The following ZBTB47 variants were observed in gnomAD, a reference collection of about 807,000 sequenced individuals.
ZBTB47 encodes zinc finger and BTB domain containing 47.
ZBTB47 carries 24 observed loss-of-function variants against 56.6 expected under a neutral mutation model. The observed-to-expected ratio is 0.42, with a 90% CI of 0.31 to 0.60. ZBTB47 has a LOEUF of 0.60. Among genes scored for constraint, ZBTB47 ranks in the 20% least tolerant of loss-of-function variants. The pLI is 0.14. For synonymous variants in ZBTB47, 414 were observed against 418.9 expected (o/e 0.99, Z 0.14); for missense variants, 829 against 1,032.6 (o/e 0.80, Z 2.70).
At position 42,662,127 on chromosome 3, in the gene ZBTB47, C is replaced by T. The variant is rs192679583; in HGVS notation, c.1621+495C>T. Reference sequence around the variant, plus strand: ...TGCCTGGACACAGTAAGGAGGTCCCCCAATTGTGTGTTTTGGCCACGCCAC... The same window carrying T: ...TGCCTGGACACAGTAAGGAGGTCCCTCAATTGTGTGTTTTGGCCACGCCAC... On this transcript the variant is annotated intron_variant, in intron 3 of 5. Transcript: ENST00000232974. Among the ~76,000 whole-genome samples the T allele has an allele frequency of 2.7e-3, 404 of 152,280 alleles. 2 individuals carry two copies. Among genetic ancestry groups the T allele is most frequent in the Non-Finnish European group, 3.7e-3 (249 of 68,016 alleles).
Position 42,663,000 on chromosome 3 carries a change from C to A in ZBTB47, c.1622-12C>A, listed in dbSNP as rs1245589391. ...CCCGTAAAACATGATGGCCCTGGTG[C>A]CCACCTCGTAGCCCACACCAAGGAC... On this transcript the variant is annotated splice_polypyrimidine_tract_variant and intron_variant, in intron 3 of 5. Coordinates refer to ENST00000232974, the MANE Select transcript of ZBTB47 (RefSeq NM_145166.4). The A allele has an allele frequency of 6.2e-7, 1 of 1,603,456 alleles. No homozygotes were observed. The highest frequency in any genetic ancestry group is 1.1e-5 in the South Asian group (1 of 90,872).
rs1167362942 is a variant in ZBTB47 at position 42,658,428 on chromosome 3, C to T, written c.73C>T (p.Arg25Cys). The T allele has an allele frequency of 7.8e-6, 12 of 1,537,056 alleles. No individual in the cohort carries two copies. The East Asian group carries it at 9.8e-5, about 13-fold the overall frequency. The change falls in exon 2 of 6, where the codon CGC (arginine) becomes TGC (cysteine). Residue 25 changes from arginine (R) to cysteine (C), a missense_variant. Around this residue, in one of 6 missense-constraint regions of ZBTB47, gnomAD observed 120 missense variants for 200.2 expected, o/e 0.60. Coordinates refer to ENST00000232974, the MANE Select transcript of ZBTB47 (RefSeq NM_145166.4). ...CGTGGACTTGGTGCTGGTGCCCCAG[C>T]GCAGCGTCTTTCCGGCACACAAGGG... ...CDVDLVLVPQ[R>C]SVFPAHKGVL...
At position 42,659,052 on chromosome 3, in the gene ZBTB47, C is replaced by A; in HGVS notation, c.697C>A (p.Gln233Lys). The A allele has an allele frequency of 2.6e-6, 4 of 1,525,046 alleles. No individual in the cohort carries two copies. The highest frequency in any genetic ancestry group is 3.5e-6 in the Non-Finnish European group (4 of 1,141,126). The allele number at this position is 1,525,046 out of a possible 1,614,324, so 94.5% of individuals were successfully genotyped here. A position where few individuals can be genotyped will look rare whatever the true frequency, so the allele number is the denominator to read the frequency against. Residue 233 changes from glutamine to lysine, a missense_variant, in exon 2 of 6, where the codon CAG becomes AAG. Transcript: ENST00000232974. ...SGTYSRREQSQIIVEVNLNNQ... is the reference protein window; with the variant it reads ...SGTYSRREQSKIIVEVNLNNQ... ...CACCTACAGCCGCAGGGAGCAATCC[C>A]AGATCATCGTGGAGGTGAACCTCAA...
At chr3:42,653,627 G>C (rs899565161), upstream of ZBTB47, 1 of 152,532 alleles carries the variant, frequency 6.6e-6, no homozygotes, top group Non-Finnish European at 1.5e-5. Context: ...TGCCCCCACG[G>C]GTGTCCATGC....
At chr3:42,655,798 G>A (rs574021027) in intron 1 of ZBTB47, among the ~76,000 whole-genome samples, 5 of 152,370 alleles carry the variant, frequency 3.3e-5, no homozygotes, top group African/African-American at 1.2e-4. Flanking sequence ...CAGGTCATGA[G>A]GTTTAGGGCC....
At position 42,667,485 on chromosome 3, in the gene ZBTB47, A is replaced by G. The variant is rs1382107356; in HGVS notation, c.*2887A>G. On this transcript the variant is annotated 3_prime_UTR_variant, in exon 6 of 6. Transcript: ENST00000232974. ...CAGGTGTGTGTTGAGACCATTGACA[A>G]CTGCTCGTGTACAGGCACCCCACAG... 6.6e-6 allele frequency among the ~76,000 whole-genome samples: 1 copy of G among 152,182 alleles called. No homozygotes were observed. Among genetic ancestry groups the G allele is most frequent in the Admixed American group, 6.5e-5 (1 of 15,286 alleles).
chr3:42,659,195 G>C lies in ZBTB47; in HGVS notation c.840G>C (p.Glu280Asp), dbSNP rs1710678584. Residue 280 changes from glutamate (E) to aspartate (D), a missense_variant, in exon 2 of 6, where the codon GAG (glutamate) becomes GAC (aspartate). Coordinates refer to ENST00000232974, the MANE Select transcript of ZBTB47 (RefSeq NM_145166.4). ...DGLQRHSDEE[E>D]EDDEEEEEEE... ...TGCAGAGACACTCGGACGAGGAGGA[G>C]GAGGACGACGAGGAGGAGGAGGAGG... is the stretch of plus-strand genomic sequence containing the variant. 3 of 1,525,500 alleles carry C rather than the reference G, an allele frequency of 2.0e-6. No homozygotes were observed. The highest frequency in any genetic ancestry group is 1.8e-6 in the Non-Finnish European group (2 of 1,140,868). 94.5% of individuals were successfully genotyped at this position (1,525,500 alleles called of 1,614,324 possible). A position where few individuals can be genotyped will look rare whatever the true frequency, so the allele number is the denominator to read the frequency against.
rs1469674411 is a variant in ZBTB47 at position 42,664,436 on chromosome 3, C to T, written c.2082C>T (p.Val694=). The change falls in exon 6 of 6, where the codon GTC becomes GTT. Residue 694 remains valine, a synonymous_variant. Coordinates refer to ENST00000232974, the MANE Select transcript of ZBTB47 (RefSeq NM_145166.4). ...GCCACACCCTGGCCGGCGACGGCGT[C>T]CCCGCTGCCCCAGGCCTGCCCCCAA... ...RVSHTLAGDG[V]PAAPGLPPTQ... 1.3e-6 allele frequency: 2 copies of T among 1,535,104 alleles called. No homozygotes were observed. The highest frequency in any genetic ancestry group is 2.4e-5 in the South Asian group (2 of 83,112).
At chr3:42,660,042 G>C (rs926861447) in intron 2 of ZBTB47, among the ~76,000 whole-genome samples, 2 of 152,242 alleles carry the variant, frequency 1.3e-5, no homozygotes, top group African/African-American at 4.8e-5. Context: ...GAGGTGGATA[G>C]AGTTGGGCGC....
chr3:42,662,188 G>A (rs543804797), intron 3 of ZBTB47, among the ~76,000 whole-genome samples: 1 of 152,286 alleles, frequency 6.6e-6, no homozygotes, highest in African/African-American at 2.4e-5. Context: ...CTGTATGTGG[G>A]CCTGGCAGAG....
Position 42,665,893 on chromosome 3 carries a change from G to A in ZBTB47, c.*1295G>A, listed in dbSNP as rs1379737276. On this transcript the variant is annotated 3_prime_UTR_variant, in exon 6 of 6. Transcript: ENST00000232974. ...TTCCTGCCTTTAATATGGGGAGGAA[G>A]GTTCCATAAGCTACATGTTTCCTAG... 1 of 152,422 alleles carries A rather than the reference G, an allele frequency of 6.6e-6. No homozygotes were observed. Among genetic ancestry groups the A allele is most frequent in the Non-Finnish European group, 1.5e-5 (1 of 68,044 alleles). 9.4% of individuals were successfully genotyped at this position (152,422 alleles called of 1,614,324 possible).
rs1043183698 is a variant in ZBTB47 at position 42,665,804 on chromosome 3, T to A, written c.*1206T>A. The A allele has an allele frequency of 6.6e-6, 1 of 152,632 alleles. No individual in the cohort carries two copies. Among genetic ancestry groups the A allele is most frequent in the Non-Finnish European group, 1.5e-5 (1 of 68,042 alleles). The allele number at this position is 152,632 out of a possible 1,614,324, so 9.5% of individuals were successfully genotyped here. On this transcript the variant is annotated 3_prime_UTR_variant, in exon 6 of 6. Coordinates refer to ENST00000232974, the MANE Select transcript of ZBTB47 (RefSeq NM_145166.4). ...CTGGGGAGGCGCAGCCTAGACCCAA[T>A]TGCTTGCCCCCATGAGGCTAGCACT...
chr3:42,662,926 C>T (rs1710738240), intron 3 of ZBTB47, 86 bp from the exon 4 acceptor site: 1 of 920,502 alleles, frequency 1.1e-6, no homozygotes, highest in Non-Finnish European at 1.8e-6. Flanking sequence ...TGGCACAGGG[C>T]TGCCCCAGGA....
Position 42,664,746 on chromosome 3 carries a change from C to T in ZBTB47, c.*148C>T, listed in dbSNP as rs1260682071. ...GCTGGATGTACCCTGCCTGAGGCCC[C>T]GACGAGGAGGGGTATGCAGGCTGGC... is the stretch of plus-strand genomic sequence containing the variant. On this transcript the variant is annotated 3_prime_UTR_variant, in exon 6 of 6. Coordinates refer to ENST00000232974, the MANE Select transcript of ZBTB47 (RefSeq NM_145166.4). 3 of 958,026 alleles carry T rather than the reference C, an allele frequency of 3.1e-6. No individual in the cohort carries two copies. Among genetic ancestry groups the T allele is most frequent in the Non-Finnish European group, 4.1e-6 (3 of 725,630 alleles). The allele number at this position is 958,026 out of a possible 1,614,324, so 59.3% of individuals were successfully genotyped here.
In ZBTB47 at chr3:42,663,945, C is replaced by G. The variant is rs918953486; in HGVS notation, c.1882+4C>G. On this transcript the variant is annotated splice_donor_region_variant and intron_variant, in intron 5 of 5. Transcript: ENST00000232974. The surrounding 1 kb of genome is among the most constrained non-coding windows in gnomAD (Gnocchi z 5.1). ...GAGCACATGAAGACCCACACAGGTG[C>G]GGCTGCCCCTGGGGACGGAGCTCGG... 1.9e-6 allele frequency: 3 copies of G among 1,608,074 alleles called. No individual in the cohort carries two copies. The Admixed American group carries it at 5.0e-5, about 27-fold the overall frequency.
chr3:42,659,390 TGAG>T lies in ZBTB47; in HGVS notation c.1046_1048del (p.Glu349del), dbSNP rs1198789035. On this transcript the variant is annotated inframe_deletion, in exon 2 of 6. Coordinates refer to ENST00000232974, the MANE Select transcript of ZBTB47 (RefSeq NM_145166.4). ...CTAGTGAGCAGGATCAAGAGAGCTC[TGAG>T]GAGGAGGAGGGGGAGGAGGGGGAGG... 76 of 966,106 alleles carry T rather than the reference TGAG, an allele frequency of 7.9e-5. No homozygotes were observed. The highest frequency in any genetic ancestry group is 9.6e-4 in the Middle Eastern group (2 of 2,092). 59.8% of individuals were successfully genotyped at this position (966,106 alleles called of 1,614,324 possible).
At position 42,663,944 on chromosome 3, in the gene ZBTB47, G is replaced by A; in HGVS notation, c.1882+3G>A. On this transcript the variant is annotated splice_donor_region_variant and intron_variant, in intron 5 of 5. Transcript: ENST00000232974. The surrounding 1 kb of genome is among the most constrained non-coding windows in gnomAD (Gnocchi z 5.1). ...TGAGCACATGAAGACCCACACAGGT[G>A]CGGCTGCCCCTGGGGACGGAGCTCG... 1 of 1,608,778 alleles carries A rather than the reference G, an allele frequency of 6.2e-7. No homozygotes were observed. Among genetic ancestry groups the A allele is most frequent in the Non-Finnish European group, 8.5e-7 (1 of 1,176,752 alleles).
In ZBTB47 at chr3:42,658,856, TGAG is replaced by T; in HGVS notation, c.504_506del (p.Glu168del). The T allele has an allele frequency of 1.3e-6, 2 of 1,530,458 alleles. No homozygotes were observed. Among genetic ancestry groups the T allele is most frequent in the Non-Finnish European group, 1.7e-6 (2 of 1,143,640 alleles). 94.8% of individuals were successfully genotyped at this position (1,530,458 alleles called of 1,614,324 possible). The stretch of plus-strand genomic sequence containing the variant: ...GCCCTGACCCTTACTCGGTGCGTGT[TGAG>T]GACGGGGCAGGGACTGCTGGTGGCA... On this transcript the variant is annotated inframe_deletion, in exon 2 of 6. Coordinates refer to ENST00000232974, the MANE Select transcript of ZBTB47 (RefSeq NM_145166.4).
Position 42,659,204 on chromosome 3 carries a change from C to G in ZBTB47, c.849C>G (p.Asp283Glu), listed in dbSNP as rs339722. 1.6e-3 allele frequency: 2,378 copies of G among 1,508,266 alleles called. 28 individuals carry two copies. In the African/African-American group the frequency reaches 0.028, roughly 18 times the overall value. The allele number at this position is 1,508,266 out of a possible 1,614,324, so 93.4% of individuals were successfully genotyped here. ...QRHSDEEEED[D>E]EEEEEEEEEE... is the part of the protein sequence containing the mutation. ...ACTCGGACGAGGAGGAGGAGGACGA[C>G]GAGGAGGAGGAGGAGGAAGAAGAGG... The change falls in exon 2 of 6, where the codon GAC becomes GAG. Residue 283 changes from aspartate to glutamate, a missense_variant. Around this residue, in one of 6 missense-constraint regions of ZBTB47, gnomAD observed 359 missense variants for 359.8 expected, o/e 1.00. Transcript: ENST00000232974.
Sources: gnomAD v4.1 joint callset for allele counts (sites outside exome capture counted in the v4.1 genomes callset) on GRCh38, gnomAD v4.1.1 for gene constraint, gnomAD v4.1.1 regional missense constraint, Gnocchi (gnomAD v3.1) non-coding constraint, MANE v1.5 for transcripts, NCBI Gene and HGNC (gene_info 2026-07-23, HGNC 2026-07-21) for gene names.